Variants in ROBO1 observed in about 807,000 individuals in gnomAD.
ROBO1 encodes the protein roundabout homolog 1.
ROBO1 carries 149 observed loss-of-function variants against 195.9 expected under a neutral mutation model. That is an observed-to-expected ratio of 0.76 (90% confidence interval 0.67 to 0.87). ROBO1 has a LOEUF of 0.87. ROBO1 is among the 40% of genes least tolerant of loss of function. The pLI is 0.00. For missense variants in ROBO1, 1,933 were observed against 2,068.3 expected, an observed-to-expected ratio of 0.93 and a Z score of 1.27; for synonymous variants, 816 against 733.2, an observed-to-expected ratio of 1.11 and a Z score of -1.82.
chr3:78,661,902 C>T (rs573181427), intron 15 of ROBO1, 91 bp downstream of exon 15: 119 of 1,382,516 alleles, frequency 8.6e-5, no homozygotes, highest in Non-Finnish European at 1.2e-4. Flanking sequence ...CATTAATGTA[C>T]AAGTAGGCAA....
rs1233757272 is a variant in ROBO1, at chr3:79,541,852, G to C, written c.88+47972C>G. ...GTGTATATATATATATATGGAGAGA[G>C]AGAGAGAAAGAGAGAGAGAGGTAAT... is the stretch of plus-strand genomic sequence containing the variant. On this transcript the variant is annotated intron_variant, in intron 2 of 30. Transcript: ENST00000464233. Among the ~76,000 whole-genome samples, 12 of 150,736 alleles carry C rather than the reference G, an allele frequency of 8.0e-5. No individual in the cohort carries two copies. The Admixed American group carries it at 8.0e-4, about 10-fold the overall frequency.
chr3:78,892,588 T>TATCATC (rs532184747), intron 4 of ROBO1, among the ~76,000 whole-genome samples: 1 of 151,952 alleles, frequency 6.6e-6, no homozygotes, highest in South Asian at 2.1e-4. Context: ...AAGAAGTGTT[T>TATCATC]ATCATCATCA....
At chr3:79,321,324 A>T (rs1033259810) in intron 2 of ROBO1, among the ~76,000 whole-genome samples, 1 of 152,134 alleles carries the variant, frequency 6.6e-6, no homozygotes, top group African/African-American at 2.4e-5. Context: ...TGCCTAAGTG[A>T]TTAGTAACAA....
At chr3:79,307,877 T>A (rs2033295022) in intron 2 of ROBO1, among the ~76,000 whole-genome samples, 1 of 152,012 alleles carries the variant, frequency 6.6e-6, no homozygotes, top group African/African-American at 2.4e-5. Flanking sequence ...CAGAAAAAAA[T>A]AGGCATTATA....
chr3:79,365,241 T>C (rs2035925461), intron 2 of ROBO1, among the ~76,000 whole-genome samples: 1 of 152,178 alleles, frequency 6.6e-6, no homozygotes, highest in South Asian at 2.1e-4. Flanking sequence ...TATATCTCTG[T>C]GCCATTGAGC....
At chr3:79,628,033 G>C (rs6548634) in intron 1 of ROBO1, among the ~76,000 whole-genome samples, 42,879 of 152,010 alleles carry the variant, frequency 0.28, 7,215 homozygotes, top group African/African-American at 0.47. Flanking sequence ...TACACTGTTG[G>C]TGGGAACGTA....
chr3:79,006,298 T>C (rs371967888), intron 3 of ROBO1, among the ~76,000 whole-genome samples: 1 of 152,282 alleles, frequency 6.6e-6, no homozygotes, highest in Admixed American at 6.5e-5. Flanking sequence ...AGTAAGCCAT[T>C]ATGTAAACAT....
chr3:79,743,946 G>GTTTTACAAT (rs1703761939), intron 1 of ROBO1, among the ~76,000 whole-genome samples: 1 of 151,982 alleles, frequency 6.6e-6, no homozygotes, highest in South Asian at 2.1e-4. Flanking sequence ...GCCTCAGGCT[G>GTTTTACAAT]TTTTACAATT....
chr3:79,723,961 A>T (rs1022029643), intron 1 of ROBO1, among the ~76,000 whole-genome samples: 9 of 152,198 alleles, frequency 5.9e-5, no homozygotes, highest in African/African-American at 2.2e-4. Context: ...GAAATAAATA[A>T]GTGTTTTTAT....
At chr3:79,456,539 A>T (rs2039624662) in intron 2 of ROBO1, among the ~76,000 whole-genome samples, 1 of 152,120 alleles carries the variant, frequency 6.6e-6, no homozygotes, top group Non-Finnish European at 1.5e-5. Flanking sequence ...TTATTCTGTT[A>T]TCTCCTATTT....
intron 4 of ROBO1, among the ~76,000 whole-genome samples, chr3:78,922,007 C>T (rs577033476): frequency 6.6e-6 from 1 of 151,978 alleles, no homozygotes; most frequent in African/African-American, 2.4e-5. Context: ...GAAAATTTCT[C>T]TTATTTAGTA....
In ROBO1 at chr3:78,670,150, T is replaced by G; in HGVS notation, c.1494A>C (p.Gln498His). 2 of 1,613,460 alleles carry G rather than the reference T, an allele frequency of 1.2e-6. No homozygotes were observed. Among genetic ancestry groups the G allele is most frequent in the Non-Finnish European group, 1.7e-6 (2 of 1,179,678 alleles). ...WRKDGVLVST[Q>H]DSRIKQLENG... The stretch of plus-strand genomic sequence containing the variant: ...TCTCCAACTGTTTGATTCGAGAGTC[T>G]TGGGTTGAAACGAGGACTCCATCCT... The change falls in exon 11 of 31, where the codon CAA (glutamine) becomes CAC (histidine). Residue 498 changes from glutamine (Q) to histidine (H), a missense_variant. By Grantham distance (24) the Gln-to-His change is conservative. Coordinates refer to ENST00000464233, the MANE Select transcript of ROBO1 (RefSeq NM_002941.4).
chr3:79,051,203 CA>C (rs2078691080), intron 3 of ROBO1, among the ~76,000 whole-genome samples: 2 of 151,914 alleles, frequency 1.3e-5, no homozygotes, highest in African/African-American at 4.8e-5. Flanking sequence ...CAAATAGACA[CA>C]ATAAAAAATG....
chr3:79,034,094 A>G (rs2078342039), intron 3 of ROBO1, among the ~76,000 whole-genome samples: 1 of 152,202 alleles, frequency 6.6e-6, no homozygotes, highest in Non-Finnish European at 1.5e-5. Context: ...ATGTATTTTC[A>G]GTCAAATCTT....
intron 1 of ROBO1, among the ~76,000 whole-genome samples, chr3:79,594,856 T>C (rs1214724112): frequency 6.6e-6 from 1 of 152,014 alleles, no homozygotes; most frequent in Non-Finnish European, 1.5e-5. Context: ...AATTGTGTAT[T>C]TGTATTTGCA....
At chr3:79,168,853 T>C (rs544311681) in intron 2 of ROBO1, among the ~76,000 whole-genome samples, 33 of 152,270 alleles carry the variant, frequency 2.2e-4, no homozygotes, top group African/African-American at 6.3e-4. Flanking sequence ...TAATTAATTA[T>C]AGATGTTATG....
At chr3:79,753,031 A>G (rs76014206) in intron 1 of ROBO1, among the ~76,000 whole-genome samples, 1 of 152,086 alleles carries the variant, frequency 6.6e-6, no homozygotes, top group East Asian at 1.9e-4. Context: ...TTGGGTGGGA[A>G]TGAGGGCAGA....
intron 7 of ROBO1, among the ~76,000 whole-genome samples, chr3:78,716,582 A>G (rs1302799239): frequency 6.6e-6 from 1 of 152,154 alleles, no homozygotes; most frequent in Non-Finnish European, 1.5e-5. Flanking sequence ...GCCAAACCAT[A>G]TCAGCTTGAT....
chr3:79,387,815 T>C (rs982022227), intron 2 of ROBO1, among the ~76,000 whole-genome samples: 2 of 152,166 alleles, frequency 1.3e-5, no homozygotes, highest in Non-Finnish European at 2.9e-5. Context: ...AATATTATTC[T>C]GGTTGCAGGT....
Sources: gnomAD v4.1 joint callset for allele counts (sites outside exome capture counted in the v4.1 genomes callset) on GRCh38, gnomAD v4.1.1 for gene constraint, MANE v1.5 for transcripts, NCBI Gene and HGNC (gene_info 2026-07-23, HGNC 2026-07-21) for gene names.